PCCA: variants seen among roughly 807,000 people sequenced by gnomAD.
PCCA encodes propionyl-CoA carboxylase alpha chain, mitochondrial.
Under a neutral mutation model 101.3 loss-of-function variants are expected in PCCA, and 74 were observed. The observed-to-expected ratio is 0.73, with a 90% CI of 0.61 to 0.89. The LOEUF (loss-of-function observed/expected upper bound fraction) is 0.89, where lower values mean the gene tolerates loss of function less well. PCCA is among the 40% of genes least tolerant of loss of function. PCCA has a pLI of 0.00. For synonymous variants in PCCA, 294 were observed against 313.6 expected, an observed-to-expected ratio of 0.94 and a Z score of 0.66; for missense variants, 891 against 907.0, an observed-to-expected ratio of 0.98 and a Z score of 0.23.
chr13:100,299,990 A>G (rs2065930691), intron 12 of PCCA, among the ~76,000 whole-genome samples: 1 of 152,246 alleles, frequency 6.6e-6, no homozygotes, highest in South Asian at 2.1e-4. Context: ...CTGGGATTAC[A>G]GGCGTGAAGC....
intron 21 of PCCA, among the ~76,000 whole-genome samples, chr13:100,482,872 G>T (rs1454917907): frequency 6.6e-6 from 1 of 152,222 alleles, no homozygotes; most frequent in African/African-American, 2.4e-5. Flanking sequence ...CAAAAGTTCA[G>T]TCGTGGGCAC....
At chr13:100,527,277 C>T (rs1179020980) in intron 22 of PCCA, 3 of 473,430 alleles carry the variant, frequency 6.3e-6, no homozygotes, top group South Asian at 1.5e-5. Flanking sequence ...CAGTGACTCC[C>T]CTTCCCTCTT....
intron 4 of PCCA, chr13:100,150,868 AG>A: frequency 6.4e-7 from 1 of 1,570,998 alleles, no homozygotes; most frequent in South Asian, 1.1e-5. Context: ...TTGCACCCTT[AG>A]GAACTGGGCG....
At chr13:100,243,689 T>C (rs1203066639) in intron 8 of PCCA, among the ~76,000 whole-genome samples, 1 of 152,180 alleles carries the variant, frequency 6.6e-6, no homozygotes, top group African/African-American at 2.4e-5. Flanking sequence ...ACCAGCCTGT[T>C]CCCATGACAT....
At chr13:100,458,405 G>C (rs1430445938) in intron 21 of PCCA, among the ~76,000 whole-genome samples, 1 of 114,006 alleles carries the variant, frequency 8.8e-6, no homozygotes, top group African/African-American at 3.4e-5. Context: ...TACACACAGT[G>C]GGACCCCATC....
At chr13:100,135,521 G>A (rs1278382796) in intron 4 of PCCA, among the ~76,000 whole-genome samples, 1 of 152,180 alleles carries the variant, frequency 6.6e-6, no homozygotes, top group Non-Finnish European at 1.5e-5. Context: ...CTTGCATTCT[G>A]TGATCTTGCT....
At chr13:100,102,292 A>C (rs1223220192) in intron 1 of PCCA, among the ~76,000 whole-genome samples, 2 of 152,046 alleles carry the variant, frequency 1.3e-5, no homozygotes, top group Non-Finnish European at 2.9e-5. Flanking sequence ...AGGCTGTACC[A>C]CCGTGCCTGG....
chr13:100,360,152 G>A (rs891648441), intron 18 of PCCA, among the ~76,000 whole-genome samples: 3 of 151,876 alleles, frequency 2.0e-5, no homozygotes, highest in Non-Finnish European at 4.4e-5. Flanking sequence ...GGCAAAAAGA[G>A]TTTTGTGCAG....
At chr13:100,263,952 CTG>C (rs1160817818) in intron 10 of PCCA, among the ~76,000 whole-genome samples, 4 of 149,398 alleles carry the variant, frequency 2.7e-5, no homozygotes, top group Non-Finnish European at 5.9e-5. Flanking sequence ...TATACGGTAT[CTG>C]TATGTCATAT....
At chr13:100,125,352 T>C (rs950277462) in intron 4 of PCCA, among the ~76,000 whole-genome samples, 3 of 152,200 alleles carry the variant, frequency 2.0e-5, no homozygotes, top group Non-Finnish European at 4.4e-5. Flanking sequence ...AAGGTATTTA[T>C]AGTTGCCATT....
chr13:100,315,447 T>C (rs1464891255), intron 16 of PCCA, among the ~76,000 whole-genome samples: 2 of 152,228 alleles, frequency 1.3e-5, no homozygotes, highest in Non-Finnish European at 2.9e-5. Flanking sequence ...TTTAAAAACT[T>C]GCTTTATGAA....
intron 7 of PCCA, among the ~76,000 whole-genome samples, chr13:100,221,065 C>T (rs1440942653): frequency 6.6e-6 from 1 of 152,218 alleles, no homozygotes; most frequent in African/African-American, 2.4e-5. Flanking sequence ...ACCTTCTGAA[C>T]TCACTGGCTT....
intron 21 of PCCA, chr13:100,464,453 T>G (rs977973178): frequency 6.6e-6 from 1 of 152,094 alleles, no homozygotes; most frequent in Non-Finnish European, 1.5e-5. Context: ...AATAGCTCGG[T>G]TTTTATTGTA....
intron 21 of PCCA, among the ~76,000 whole-genome samples, chr13:100,474,458 CT>C (rs1566405203): frequency 1.1e-4 from 15 of 131,988 alleles, no homozygotes; most frequent in African/African-American, 3.8e-4. Context: ...CTCTCTCTCT[CT>C]CTCTCTCTCT....
intron 20 of PCCA, among the ~76,000 whole-genome samples, chr13:100,444,859 A>G (rs563595836): frequency 5.1e-4 from 39 of 76,496 alleles, no homozygotes; most frequent in Middle Eastern, 4.7e-3. Flanking sequence ...ATTCCTGCTC[A>G]TTTTTAAAAT....
chr13:100,359,518 G>A (rs147664838), intron 18 of PCCA, among the ~76,000 whole-genome samples: 214 of 152,292 alleles, frequency 1.4e-3, no homozygotes, highest in African/African-American at 5.0e-3. Context: ...AATGCAAGTT[G>A]TATTTGAATA....
intron 8 of PCCA, among the ~76,000 whole-genome samples, chr13:100,254,706 C>T (rs2061967341): frequency 6.6e-6 from 1 of 152,098 alleles, no homozygotes; most frequent in Non-Finnish European, 1.5e-5. Context: ...ATATGTACTG[C>T]CTGAAATCGA....
In PCCA at chr13:100,530,383, G is replaced by A. The variant is rs1237924567; in HGVS notation, c.*217G>A. 1 of 611,274 alleles carries A rather than the reference G, an allele frequency of 1.6e-6. No homozygotes were observed. The highest frequency in any genetic ancestry group is 2.8e-5 in the East Asian group (1 of 35,924). The allele number at this position is 611,274 out of a possible 1,614,324, so 37.9% of individuals were successfully genotyped here. A position where few individuals can be genotyped will look rare whatever the true frequency, so the allele number is the denominator to read the frequency against. On this transcript the variant is annotated 3_prime_UTR_variant, in exon 24 of 24. Transcript: ENST00000376285. The stretch of plus-strand genomic sequence containing the variant: ...TGTACATATGATTTGTACTTCTGCT[G>A]TGAGATTCCCTAGTGTCAAAATTAA...
At chr13:100,487,889 C>T (rs1196142973) in intron 21 of PCCA, among the ~76,000 whole-genome samples, 3 of 135,656 alleles carry the variant, frequency 2.2e-5, no homozygotes, top group Non-Finnish European at 4.7e-5. Context: ...CCACAGCCTG[C>T]TAATTAAAAT....
Sources: gnomAD v4.1 joint callset for allele counts (sites outside exome capture counted in the v4.1 genomes callset) on GRCh38, gnomAD v4.1.1 for gene constraint, MANE v1.5 for transcripts, NCBI Gene and HGNC (gene_info 2026-07-23, HGNC 2026-07-21) for gene names.